FHIT: variants seen among roughly 807,000 people sequenced by gnomAD.
The protein encoded by FHIT is bis(5'-adenosyl)-triphosphatase.
A neutral mutation model predicts 17.9 loss-of-function variants in FHIT; 19 were observed. That is an observed-to-expected ratio of 1.06 (90% CI 0.74 to 1.56). FHIT has a LOEUF of 1.56. Ranked by LOEUF, FHIT falls within the 40% of genes most tolerant of loss-of-function variation. FHIT has a pLI of 0.00. For missense variants in FHIT, 248 were observed against 189.2 expected, an observed-to-expected ratio of 1.31 and a Z score of -1.82; for synonymous variants, 81 against 69.7, an observed-to-expected ratio of 1.16 and a Z score of -0.81.
chr3:60,753,249 T>C (rs2042505053), intron 4 of FHIT, among the ~76,000 whole-genome samples: 1 of 152,190 alleles, frequency 6.6e-6, no homozygotes, highest in Admixed American at 6.5e-5. Context: ...AAGAAGTTTA[T>C]GAACTATTAA....
intron 5 of FHIT, among the ~76,000 whole-genome samples, chr3:60,035,112 G>C (rs1004898291): frequency 1.3e-5 from 2 of 152,166 alleles, no homozygotes; most frequent in Non-Finnish European, 2.9e-5. Context: ...TTATGACGGG[G>C]AGAGTCTCCT....
At position 60,246,369 on chromosome 3, in the gene FHIT, G is replaced by T. The variant is rs181676806; in HGVS notation, c.104-232217C>A. 5.5e-4 allele frequency among the ~76,000 whole-genome samples: 84 copies of T among 152,122 alleles called. 1 individual carries two copies. The highest frequency in any genetic ancestry group is 3.4e-3 in the Middle Eastern group (1 of 294). Reference sequence around the variant, plus strand: ...TATTAAAATGGCAGAAGAGAAAAGGGGAAGGAAGGGGAAGGGTCTCTCTTT... The same window carrying T: ...TATTAAAATGGCAGAAGAGAAAAGGTGAAGGAAGGGGAAGGGTCTCTCTTT... On this transcript the variant is annotated intron_variant, in intron 5 of 9. Transcript: ENST00000492590.
intron 8 of FHIT, among the ~76,000 whole-genome samples, chr3:59,845,022 G>A (rs529849315): frequency 1.1e-4 from 17 of 152,132 alleles, no homozygotes; most frequent in Non-Finnish European, 2.1e-4. Flanking sequence ...CATAGGTTTT[G>A]TGTTTCTAGG....
intron 5 of FHIT, among the ~76,000 whole-genome samples, chr3:60,519,993 C>A (rs1473725323): frequency 6.6e-6 from 1 of 152,112 alleles, no homozygotes; most frequent in African/African-American, 2.4e-5. Flanking sequence ...TACAAGGTGG[C>A]TACAAATTTC....
chr3:60,680,462 C>T (rs1435255463), intron 4 of FHIT, among the ~76,000 whole-genome samples: 1 of 151,842 alleles, frequency 6.6e-6, no homozygotes, highest in Non-Finnish European at 1.5e-5. Context: ...TACTATGAAA[C>T]ATTCTGCAAA....
intron 5 of FHIT, among the ~76,000 whole-genome samples, chr3:60,270,980 G>A (rs1001922882): frequency 6.6e-6 from 1 of 152,114 alleles, no homozygotes; most frequent in African/African-American, 2.4e-5. Context: ...CAGTAATAGA[G>A]GACTTATGCT....
intron 5 of FHIT, among the ~76,000 whole-genome samples, chr3:60,240,418 A>G (rs1469644523): frequency 6.6e-6 from 1 of 152,188 alleles, no homozygotes; most frequent in Non-Finnish European, 1.5e-5. Flanking sequence ...AGATCAAACT[A>G]CAACATATGC....
intron 9 of FHIT, chr3:59,751,637 A>G (rs927531832): frequency 1.3e-5 from 3 of 225,030 alleles, no homozygotes; most frequent in South Asian, 1.8e-4. Flanking sequence ...AGTCATCATT[A>G]AGACAAAGAT....
intron 5 of FHIT, among the ~76,000 whole-genome samples, chr3:60,232,298 A>C (rs564347203): frequency 6.6e-6 from 1 of 152,166 alleles, no homozygotes; most frequent in South Asian, 2.1e-4. Flanking sequence ...TTTAAAAGCA[A>C]TCTCAGTGAA....
At chr3:60,336,873 G>A (rs1252526434) in intron 5 of FHIT, among the ~76,000 whole-genome samples, 3 of 147,958 alleles carry the variant, frequency 2.0e-5, no homozygotes, top group African/African-American at 7.5e-5. Flanking sequence ...ACTCACTGCA[G>A]TTGCATTATG....
intron 8 of FHIT, among the ~76,000 whole-genome samples, chr3:59,826,496 C>T (rs1044901896): frequency 6.6e-6 from 1 of 152,214 alleles, no homozygotes; most frequent in Non-Finnish European, 1.5e-5. Flanking sequence ...CTCTCACCAT[C>T]TACTCACTGT....
chr3:60,537,428 C>A lies in FHIT; in HGVS notation c.-17-449G>T, dbSNP rs1434899479. 3 of 966,668 alleles carry A rather than the reference C, an allele frequency of 3.1e-6. No individual in the cohort carries two copies. The African/African-American group carries it at 5.3e-5, about 17-fold the overall frequency. The allele number at this position is 966,668 out of a possible 1,614,324, so 59.9% of individuals were successfully genotyped here. A position where few individuals can be genotyped will look rare whatever the true frequency, so the allele number is the denominator to read the frequency against. ...AAATGGTTTTGTGTTCATATAATAG[C>A]AATTTAGAACAAGTACGAACACTGT... On this transcript the variant is annotated intron_variant, in intron 4 of 9. Coordinates refer to ENST00000492590, the MANE Select transcript of FHIT (RefSeq NM_002012.4).
rs142311083 is a variant in FHIT, at chr3:61,159,747, A to C, written c.-164+40870T>G. Among the ~76,000 whole-genome samples the C allele has an allele frequency of 1.7e-4, 26 of 152,334 alleles. No individual in the cohort carries two copies. In the East Asian group the frequency reaches 5.0e-3, roughly 29 times the overall value. ...TTTGGTTTGTTTGTTTTGACTTGGAATTAGCAGTAGGATACCAACTTAAGT... is the reference window on the plus strand; with the variant it reads ...TTTGGTTTGTTTGTTTTGACTTGGACTTAGCAGTAGGATACCAACTTAAGT... On this transcript the variant is annotated intron_variant, in intron 2 of 9. Transcript: ENST00000492590.
chr3:60,115,426 C>T (rs1465318552), intron 5 of FHIT, among the ~76,000 whole-genome samples: 1 of 152,070 alleles, frequency 6.6e-6, no homozygotes, highest in Non-Finnish European at 1.5e-5. Flanking sequence ...TCACTATATT[C>T]AATTAACTAC....
chr3:60,918,275 G>A (rs1010327512), intron 3 of FHIT, among the ~76,000 whole-genome samples: 1 of 152,092 alleles, frequency 6.6e-6, no homozygotes, highest in South Asian at 2.1e-4. Flanking sequence ...AGCAGTGTGA[G>A]AACTGACTAA....
chr3:60,215,038 A>C (rs1323879183), intron 5 of FHIT, among the ~76,000 whole-genome samples: 3 of 152,068 alleles, frequency 2.0e-5, no homozygotes, highest in Admixed American at 6.6e-5. Flanking sequence ...GAGGAGGGGC[A>C]CATGGATTCA....
chr3:60,194,320 A>G (rs1310031606), intron 5 of FHIT, among the ~76,000 whole-genome samples: 2 of 152,192 alleles, frequency 1.3e-5, no homozygotes, highest in Admixed American at 1.3e-4. Context: ...AAAGCATTAA[A>G]AAACATAAAC....
intron 4 of FHIT, among the ~76,000 whole-genome samples, chr3:60,795,016 G>T (rs1347867034): frequency 2.0e-5 from 3 of 152,060 alleles, no homozygotes; most frequent in Non-Finnish European, 1.5e-5. Context: ...TTGCTTTTGC[G>T]TTCCTTTAGT....
intron 5 of FHIT, among the ~76,000 whole-genome samples, chr3:60,119,271 C>T (rs1705136212): frequency 6.6e-6 from 1 of 152,008 alleles, no homozygotes; most frequent in Admixed American, 6.5e-5. Context: ...CAGGGTTTCA[C>T]CATGTTGGCC....
Sources: allele counts gnomAD v4.1 joint callset (sites outside exome capture counted in the v4.1 genomes callset), GRCh38; gene constraint gnomAD v4.1.1; transcripts MANE v1.5; gene names NCBI Gene and HGNC (gene_info 2026-07-23, HGNC 2026-07-21).